The following CECR2 variants were observed in gnomAD, a reference collection of about 807,000 sequenced individuals.
CECR2 encodes CECR2 histone acetyl-lysine reader.
CECR2 carries 30 observed loss-of-function variants against 154.5 expected under a neutral mutation model. The observed-to-expected ratio is 0.19, with a 90% CI of 0.15 to 0.26. CECR2 has a LOEUF of 0.26. Ranked by LOEUF, CECR2 falls within the 10% of genes least tolerant of loss-of-function variation. The pLI is 1.00. For synonymous variants in CECR2, 725 were observed against 683.7 expected (o/e 1.06, Z -0.94); for missense variants, 1,743 against 1,829.3 (o/e 0.95, Z 0.86).
intron 1 of CECR2, 52 bp from the exon 2 acceptor site, chr22:17,477,536 A>G: frequency 1.6e-6 from 2 of 1,255,210 alleles, no homozygotes; most frequent in Non-Finnish European, 2.3e-6. Flanking sequence ...AGGGGTGTGT[A>G]TTTTAAGAAA....
chr22:17,474,761 A>G (rs774075670), intron 1 of CECR2, among the ~76,000 whole-genome samples: 2 of 152,204 alleles, frequency 1.3e-5, no homozygotes, highest in Non-Finnish European at 2.9e-5. Context: ...CCATACGGCA[A>G]ACTTTATGCA....
chr22:17,544,327 T>A (rs1048649097), intron 16 of CECR2, among the ~76,000 whole-genome samples: 4 of 150,152 alleles, frequency 2.7e-5, no homozygotes, highest in Non-Finnish European at 5.9e-5. Flanking sequence ...TGAAACCCCA[T>A]CTCTACTAAA....
At chr22:17,447,673 G>A (rs1289921979) in intron 1 of CECR2, among the ~76,000 whole-genome samples, 6 of 151,024 alleles carry the variant, frequency 4.0e-5, no homozygotes, top group African/African-American at 1.5e-4. Context: ...AAGAAAAGCC[G>A]GGGGTCGGGG....
chr22:17,552,204 G>A (rs1360359277), intron 18 of CECR2, 62 bp downstream of exon 18: 1 of 1,432,044 alleles, frequency 7.0e-7, no homozygotes, highest in South Asian at 1.2e-5. Context: ...GTAAGTATAT[G>A]ACAACCTTGC....
chr22:17,510,603 T>A (rs913494692), intron 7 of CECR2, among the ~76,000 whole-genome samples: 1 of 152,200 alleles, frequency 6.6e-6, no homozygotes, highest in African/African-American at 2.4e-5. Context: ...ATTCTCTTTT[T>A]CTTTCTTTCT....
intron 2 of CECR2, among the ~76,000 whole-genome samples, chr22:17,485,713 G>A (rs1442244442): frequency 6.6e-6 from 1 of 152,186 alleles, no homozygotes; most frequent in Non-Finnish European, 1.5e-5. Context: ...GGCGGAGGTT[G>A]CAGTGGAGAT....
intron 1 of CECR2, among the ~76,000 whole-genome samples, chr22:17,372,810 T>G (rs2063075950): frequency 6.6e-6 from 1 of 152,180 alleles, no homozygotes; most frequent in Non-Finnish European, 1.5e-5. Context: ...TAGTAGAAGT[T>G]GGGTATCAGT....
Position 17,478,597 on chromosome 22 carries a change from T to C in CECR2, c.221+915T>C, listed in dbSNP as rs147283833. Among the ~76,000 whole-genome samples the C allele has an allele frequency of 8.5e-3, 1,296 of 152,238 alleles. 22 individuals are homozygous for C. The highest frequency in any genetic ancestry group is 0.03 in the African/African-American group (1,246 of 41,534). On this transcript the variant is annotated intron_variant, in intron 2 of 18. Transcript: ENST00000262608. ...GTCTCGATCTCCCGACCTCGTGATC[T>C]GCCCGCCTCGACCTCACAAAGTGCT...
intron 1 of CECR2, among the ~76,000 whole-genome samples, chr22:17,405,365 T>C (rs958756887): frequency 4.0e-5 from 6 of 151,182 alleles, no homozygotes; most frequent in Non-Finnish European, 7.4e-5. Context: ...TGAGCCGAGA[T>C]TGCGCCATGG....
chr22:17,395,252 T>C (rs1391608035), intron 1 of CECR2, among the ~76,000 whole-genome samples: 1 of 152,150 alleles, frequency 6.6e-6, no homozygotes, highest in Non-Finnish European at 1.5e-5. Context: ...GGTTTCAAAC[T>C]CCTGAGCTCA....
chr22:17,469,577 T>TG (rs1569102460), intron 1 of CECR2, among the ~76,000 whole-genome samples: 1 of 149,564 alleles, frequency 6.7e-6, no homozygotes, highest in Non-Finnish European at 1.5e-5. Flanking sequence ...GCGCATCCTC[T>TG]TTTGATGATA....
intron 8 of CECR2, among the ~76,000 whole-genome samples, chr22:17,515,927 A>G (rs959011045): frequency 6.6e-6 from 1 of 152,244 alleles, no homozygotes; most frequent in Non-Finnish European, 1.5e-5. Flanking sequence ...CACCCGCCTT[A>G]GCCTCCCAAA....
At chr22:17,524,028 G>C in intron 8 of CECR2, 90 bp from the exon 9 acceptor site, 1 of 1,058,340 alleles carries the variant, frequency 9.4e-7, no homozygotes, top group Non-Finnish European at 1.4e-6. Flanking sequence ...AATATTATTT[G>C]TTGAAAATAC....
chr22:17,489,126 G>C (rs921213858), intron 2 of CECR2, among the ~76,000 whole-genome samples: 2 of 152,092 alleles, frequency 1.3e-5, no homozygotes, highest in Non-Finnish European at 2.9e-5. Flanking sequence ...TAGAGACGGG[G>C]TTTCACCATG....
rs1477613799 is a variant in CECR2 at position 17,553,047 on chromosome 22, CG to C, written c.*209del. On this transcript the variant is annotated 3_prime_UTR_variant, in exon 19 of 19. Transcript: ENST00000262608. ...CTGACACACAGATTGCAAAGGTCCTCGGCCAGGGATCTCTTGCACAGCTGAT... is the reference window on the plus strand; with the variant it reads ...CTGACACACAGATTGCAAAGGTCCTCGCCAGGGATCTCTTGCACAGCTGAT... The C allele has an allele frequency of 4.1e-6, 5 of 1,216,142 alleles. No individual in the cohort carries two copies. Among genetic ancestry groups the C allele is most frequent in the Non-Finnish European group, 5.3e-6 (5 of 938,896 alleles). The allele number at this position is 1,216,142 out of a possible 1,614,324, so 75.3% of individuals were successfully genotyped here. A position where few individuals can be genotyped will look rare whatever the true frequency, so the allele number is the denominator to read the frequency against.
intron 8 of CECR2, among the ~76,000 whole-genome samples, chr22:17,523,010 GA>G (rs386819558): frequency 0.016 from 2,270 of 146,112 alleles, 45 homozygotes; most frequent in African/African-American, 0.049. Context: ...ATCTCGGGGG[GA>G]AAAAAAAAAG....
chr22:17,483,815 A>G (rs2055372122), intron 2 of CECR2, among the ~76,000 whole-genome samples: 1 of 152,210 alleles, frequency 6.6e-6, no homozygotes, highest in South Asian at 2.1e-4. Context: ...AAGCCTTCAC[A>G]TTCATTTACT....
At chr22:17,433,698 C>T (rs903360552) in intron 1 of CECR2, among the ~76,000 whole-genome samples, 6 of 152,168 alleles carry the variant, frequency 3.9e-5, no homozygotes, top group African/African-American at 1.4e-4. Context: ...CCACCCACCT[C>T]GCCCTCCCAA....
At chr22:17,510,683 G>C (rs1025535642) in intron 7 of CECR2, among the ~76,000 whole-genome samples, 4 of 152,170 alleles carry the variant, frequency 2.6e-5, no homozygotes, top group African/African-American at 7.2e-5. Flanking sequence ...CTCACTGCAA[G>C]CTCCGCCTGC....
Sources: gnomAD v4.1 joint callset for allele counts (sites outside exome capture counted in the v4.1 genomes callset) on GRCh38, gnomAD v4.1.1 for gene constraint, MANE v1.5 for transcripts, NCBI Gene and HGNC (gene_info 2026-07-23, HGNC 2026-07-21) for gene names.